The following EYA3 variants were observed in gnomAD, a reference collection of about 807,000 sequenced individuals.
EYA3 encodes the protein protein phosphatase EYA3.
EYA3 carries 39 observed loss-of-function variants against 80.0 expected under a neutral mutation model. The ratio of observed to expected loss-of-function variants is 0.49; its 90% CI spans 0.38 to 0.64. EYA3 has a LOEUF of 0.64. Ranked by LOEUF, EYA3 falls within the 30% of genes least tolerant of loss-of-function variation. EYA3 has a pLI of 0.00. For missense variants in EYA3, 523 were observed against 676.1 expected, an observed-to-expected ratio of 0.77 and a Z score of 2.51; for synonymous variants, 206 against 232.8, an observed-to-expected ratio of 0.88 and a Z score of 1.05.
intron 1 of EYA3, among the ~76,000 whole-genome samples, chr1:28,086,797 T>G (rs1645672238): frequency 6.6e-6 from 1 of 151,920 alleles, no homozygotes; most frequent in Non-Finnish European, 1.5e-5. Context: ...GGGGAGGAGG[T>G]ACACATAAGA....
Position 28,013,173 on chromosome 1 carries a change from G to T in EYA3, c.707C>A (p.Thr236Lys), listed in dbSNP as rs1199035047. The change falls in exon 9 of 18, where the codon ACA becomes AAA. Residue 236 changes from threonine (T) to lysine (K), a missense_variant. Physicochemically the swap from Thr to Lys is moderately conservative, Grantham distance 78. This residue lies in a region of EYA3 where 304 missense variants were observed against 343.3 expected (regional missense o/e 0.89). Transcript: ENST00000373871. The surrounding 1 kb of genome is among the most constrained non-coding windows in gnomAD (Gnocchi z 4.0). ...DAESTTLAAT[T>K]YQSEKPSVMA... is the part of the protein sequence containing the mutation. ...GACACTAGGCTTCTCCGACTGGTAT[G>T]TGGTTGCTGCTAATGTGGTGCTCTC... 6.2e-7 allele frequency: 1 copy of T among 1,614,124 alleles called. No individual in the cohort carries two copies. The highest frequency in any genetic ancestry group is 8.5e-7 in the Non-Finnish European group (1 of 1,179,992).
At chr1:28,079,020 T>TG (rs1311023353) in intron 1 of EYA3, among the ~76,000 whole-genome samples, 1 of 152,218 alleles carries the variant, frequency 6.6e-6, no homozygotes, top group Non-Finnish European at 1.5e-5. Context: ...AGCCAAGTAA[T>TG]GAGAACATAC....
intron 16 of EYA3, among the ~76,000 whole-genome samples, chr1:27,985,240 G>A: frequency 7.0e-6 from 1 of 143,014 alleles, no homozygotes. Flanking sequence ...ACCACTCCCA[G>A]CTAATTAAAA....
At chr1:28,035,450 C>A in intron 6 of EYA3, 94 bp downstream of exon 6, 1 of 1,390,194 alleles carries the variant, frequency 7.2e-7, no homozygotes, top group Admixed American at 2.2e-5. Flanking sequence ...ACATATGTAA[C>A]TAAGTGCTTT....
chr1:28,056,159 C>T (rs1644431092), intron 2 of EYA3, among the ~76,000 whole-genome samples: 1 of 152,168 alleles, frequency 6.6e-6, no homozygotes, highest in African/African-American at 2.4e-5. Context: ...AGATCCAGTG[C>T]CCATACTCTG....
At chr1:27,978,792 C>T (rs749325103) in intron 16 of EYA3, among the ~76,000 whole-genome samples, 1 of 152,176 alleles carries the variant, frequency 6.6e-6, no homozygotes, top group African/African-American at 2.4e-5. Context: ...GGAGAAACCC[C>T]GTCTCTACTA....
At chr1:27,987,300 T>C (rs1264634097) in intron 16 of EYA3, among the ~76,000 whole-genome samples, 1 of 152,212 alleles carries the variant, frequency 6.6e-6, no homozygotes, top group Non-Finnish European at 1.5e-5. Flanking sequence ...ATTTCCTTCC[T>C]TTTTAAGGCC....
chr1:27,985,920 T>C (rs1414120237), intron 16 of EYA3, among the ~76,000 whole-genome samples: 2 of 152,030 alleles, frequency 1.3e-5, no homozygotes, highest in African/African-American at 4.8e-5. Context: ...TTGAGAAAAC[T>C]GAGGCTCAGG....
intron 11 of EYA3, among the ~76,000 whole-genome samples, chr1:28,002,632 G>A (rs953775127): frequency 6.6e-6 from 1 of 151,696 alleles, no homozygotes; most frequent in Non-Finnish European, 1.5e-5. Flanking sequence ...GCAACATGGC[G>A]AGATCCCATC....
At chr1:28,037,180 T>C (rs1036165035) in intron 5 of EYA3, among the ~76,000 whole-genome samples, 1 of 152,218 alleles carries the variant, frequency 6.6e-6, no homozygotes, top group Non-Finnish European at 1.5e-5. Context: ...AAGATTATTT[T>C]GACACTGCTT....
chr1:28,048,640 A>T (rs1051778483), intron 2 of EYA3, among the ~76,000 whole-genome samples: 1 of 151,574 alleles, frequency 6.6e-6, no homozygotes, highest in Non-Finnish European at 1.5e-5. Context: ...TCTTCTGATT[A>T]AAAAAAAACT....
intron 6 of EYA3, among the ~76,000 whole-genome samples, chr1:28,033,392 C>A (rs1434632728): frequency 6.6e-6 from 1 of 152,100 alleles, no homozygotes; most frequent in African/African-American, 2.4e-5. Flanking sequence ...ATTACCCCAA[C>A]CAAAATCTCT....
Position 28,038,772 on chromosome 1 carries a change from A to T in EYA3, c.224+67T>A, listed in dbSNP as rs115952263. On this transcript the variant is annotated intron_variant, in intron 5 of 17. Transcript: ENST00000373871. ...ATATCTATTATTTTAGAGGAAAAAT[A>T]ATATTAAATTTTGCAATGAATCTAC... 2,013 of 871,496 alleles carry T rather than the reference A, an allele frequency of 2.3e-3. 29 individuals are homozygous for T. The African/African-American group carries it at 0.028, about 12-fold the overall frequency. 54.0% of individuals were successfully genotyped at this position (871,496 alleles called of 1,614,324 possible). A position where few individuals can be genotyped will look rare whatever the true frequency, so the allele number is the denominator to read the frequency against.
At chr1:27,993,311 T>C (rs760213680) in intron 14 of EYA3, 89 bp downstream of exon 14, 402 of 1,346,926 alleles carry the variant, frequency 3.0e-4, no homozygotes, top group Non-Finnish European at 3.8e-4. Context: ...TTATAAGCAG[T>C]TGTCATGGGG....
chr1:28,014,417 C>CA (rs1173842687), intron 8 of EYA3, among the ~76,000 whole-genome samples: 910 of 49,348 alleles, frequency 0.018, 57 homozygotes, highest in Middle Eastern at 0.036. Flanking sequence ...CACACTGTCT[C>CA]AAAAAAAAAA....
intron 10 of EYA3, among the ~76,000 whole-genome samples, chr1:28,010,453 C>T (rs1014875241): frequency 6.6e-6 from 1 of 152,086 alleles, no homozygotes; most frequent in Non-Finnish European, 1.5e-5. Context: ...TGCAGTGGCC[C>T]GATCATAGCT....
intron 1 of EYA3, among the ~76,000 whole-genome samples, chr1:28,084,589 ATATATATTTTTTTTTTTTTTTTTT>A (rs1198750806): frequency 3.2e-4 from 5 of 15,712 alleles, no homozygotes; most frequent in African/African-American, 9.6e-4. Flanking sequence ...ATATATATAT[ATATATATTTTTTTTTTTTTTTTTT>A]TTTTTTTTTT....
chr1:27,982,233 G>A (rs1249082994), intron 16 of EYA3, among the ~76,000 whole-genome samples: 2 of 151,870 alleles, frequency 1.3e-5, no homozygotes, highest in Non-Finnish European at 2.9e-5. Flanking sequence ...CCTGAGCTCA[G>A]GCAATCCACC....
At chr1:28,036,427 G>T (rs907576314) in intron 5 of EYA3, among the ~76,000 whole-genome samples, 1 of 152,194 alleles carries the variant, frequency 6.6e-6, no homozygotes, top group African/African-American at 2.4e-5. Context: ...AGTTCTGAGA[G>T]GGAAAGTGAG....
Sources: allele counts gnomAD v4.1 joint callset (sites outside exome capture counted in the v4.1 genomes callset), GRCh38; gene constraint gnomAD v4.1.1; regional missense constraint gnomAD v4.1.1; non-coding constraint Gnocchi (gnomAD v3.1); transcripts MANE v1.5; gene names NCBI Gene and HGNC (gene_info 2026-07-23, HGNC 2026-07-21).